Variants in ARHGAP24 observed in about 807,000 individuals in gnomAD.
ARHGAP24 encodes the protein rho GTPase-activating protein 24.
ARHGAP24 carries 50 observed loss-of-function variants against 76.4 expected under a neutral mutation model. The observed-to-expected ratio is 0.65, with a 90% CI of 0.52 to 0.83. ARHGAP24 has a LOEUF of 0.83. Ranked by LOEUF, ARHGAP24 falls within the 40% of genes least tolerant of loss-of-function variation. The pLI, the probability that ARHGAP24 is intolerant of heterozygous loss-of-function variation, is 0.00. For synonymous variants in ARHGAP24, 345 were observed against 323.3 expected (o/e 1.07, Z -0.72); for missense variants, 930 against 914.2 (o/e 1.02, Z -0.22).
intron 1 of ARHGAP24, among the ~76,000 whole-genome samples, chr4:85,566,695 C>A (rs1345894490): frequency 6.6e-6 from 1 of 152,158 alleles, no homozygotes; most frequent in Non-Finnish European, 1.5e-5. Flanking sequence ...CAAGGAAAGC[C>A]ATGTCCTTGA....
chr4:85,856,512 C>G (rs1731580322), intron 3 of ARHGAP24, among the ~76,000 whole-genome samples: 1 of 134,324 alleles, frequency 7.4e-6, no homozygotes, highest in African/African-American at 2.7e-5. Flanking sequence ...TTTCTATTGC[C>G]CAGACTGGAG....
At chr4:85,556,996 A>C (rs942627234) in intron 1 of ARHGAP24, among the ~76,000 whole-genome samples, 4 of 152,168 alleles carry the variant, frequency 2.6e-5, no homozygotes, top group African/African-American at 7.2e-5. Flanking sequence ...TCCATAAGGC[A>C]GCTCTGCCGG....
chr4:85,755,649 T>TTTTTTTTTG (rs1553927708), intron 3 of ARHGAP24, among the ~76,000 whole-genome samples: 3 of 143,092 alleles, frequency 2.1e-5, no homozygotes, highest in African/African-American at 2.5e-5. Flanking sequence ...TTGTTTTGTT[T>TTTTTTTTTG]TGAGACGGAG....
At chr4:85,571,685 T>C (rs567895936) in intron 2 of ARHGAP24, among the ~76,000 whole-genome samples, 6 of 152,348 alleles carry the variant, frequency 3.9e-5, no homozygotes, top group Admixed American at 1.3e-4. Context: ...TAAAAATACA[T>C]GCTACAAACC....
intron 2 of ARHGAP24, among the ~76,000 whole-genome samples, chr4:85,687,223 T>C (rs780089452): frequency 4.6e-5 from 7 of 152,092 alleles, no homozygotes; most frequent in Non-Finnish European, 1.0e-4. Flanking sequence ...TGGTACTTGG[T>C]TTATTTATCT....
intron 3 of ARHGAP24, among the ~76,000 whole-genome samples, chr4:85,777,132 TA>T (rs561174352): frequency 1.8e-4 from 27 of 152,322 alleles, no homozygotes; most frequent in African/African-American, 6.5e-4. Flanking sequence ...CTCAGTTGCT[TA>T]TTTGTCAGCA....
intron 2 of ARHGAP24, among the ~76,000 whole-genome samples, chr4:85,665,118 A>C (rs1264562938): frequency 6.6e-6 from 1 of 152,106 alleles, no homozygotes; most frequent in African/African-American, 2.4e-5. Context: ...GTGGGGTGTT[A>C]AAGTCTCCCA....
At chr4:85,976,779 CTTTTTTT>C (rs200270054) in intron 7 of ARHGAP24, among the ~76,000 whole-genome samples, 1 of 130,446 alleles carries the variant, frequency 7.7e-6, no homozygotes, top group Non-Finnish European at 1.6e-5. Flanking sequence ...TTTTATTTCT[CTTTTTTT>C]TTTTTTTTTT....
intron 3 of ARHGAP24, among the ~76,000 whole-genome samples, chr4:85,871,706 G>GTAGC (rs1435303781): frequency 6.6e-6 from 1 of 152,164 alleles, no homozygotes; most frequent in Non-Finnish European, 1.5e-5. Flanking sequence ...GCACATTGAT[G>GTAGC]TAGCAGAACC....
intron 5 of ARHGAP24, among the ~76,000 whole-genome samples, chr4:85,959,195 C>T (rs1027714614): frequency 3.9e-5 from 6 of 152,160 alleles, no homozygotes; most frequent in African/African-American, 7.2e-5. Flanking sequence ...CCTTTTTAGA[C>T]CATATAGGGT....
chr4:85,564,938 A>ATG (rs1257608138), intron 1 of ARHGAP24, among the ~76,000 whole-genome samples: 4 of 96,486 alleles, frequency 4.1e-5, no homozygotes, highest in African/African-American at 2.2e-4. Flanking sequence ...ATATATATAT[A>ATG]TATATATATA....
In ARHGAP24 at chr4:85,566,001, G is replaced by A. The variant is rs1027596051; in HGVS notation, c.-20-4521G>A. 3.3e-5 allele frequency among the ~76,000 whole-genome samples: 5 copies of A among 152,242 alleles called. No homozygotes were observed. The East Asian group carries it at 9.6e-4, about 29-fold the overall frequency. On this transcript the variant is annotated intron_variant, in intron 1 of 9. Transcript: ENST00000395184. ...GTTGTTGAAACCAGTTTCCTCCTCT[G>A]GAAAACAATTCAAAAGCTACAAGCC...
intron 2 of ARHGAP24, among the ~76,000 whole-genome samples, chr4:85,655,720 C>T (rs1420869581): frequency 1.4e-5 from 2 of 145,594 alleles, no homozygotes; most frequent in East Asian, 2.1e-4. Context: ...TGCAGTGAGC[C>T]GAGTTTGCAC....
At chr4:85,788,447 G>A (rs954201421) in intron 3 of ARHGAP24, among the ~76,000 whole-genome samples, 1 of 152,134 alleles carries the variant, frequency 6.6e-6, no homozygotes, top group African/African-American at 2.4e-5. Flanking sequence ...TATCGAAAGT[G>A]TAAAGTATAC....
chr4:85,856,633 G>C (rs1051189263), intron 3 of ARHGAP24, among the ~76,000 whole-genome samples: 1 of 151,722 alleles, frequency 6.6e-6, no homozygotes, highest in Non-Finnish European at 1.5e-5. Flanking sequence ...ACCACATCCC[G>C]CTAATTTTTG....
intron 1 of ARHGAP24, among the ~76,000 whole-genome samples, chr4:85,545,563 C>G (rs6531828): frequency 0.12 from 17,921 of 152,208 alleles, 2,973 homozygotes; most frequent in African/African-American, 0.37. Context: ...GCAAAGGATG[C>G]GCAAGAGACA....
At chr4:85,968,662 A>G (rs887392020) in intron 5 of ARHGAP24, among the ~76,000 whole-genome samples, 5 of 152,142 alleles carry the variant, frequency 3.3e-5, no homozygotes, top group African/African-American at 1.2e-4. Flanking sequence ...CATGTGACTG[A>G]GAACCTCTTG....
intron 1 of ARHGAP24, among the ~76,000 whole-genome samples, chr4:85,522,949 G>A (rs1246404810): frequency 6.6e-6 from 1 of 151,764 alleles, no homozygotes; most frequent in Non-Finnish European, 1.5e-5. Context: ...ATTCCTTTTT[G>A]TCTGATGTGT....
intron 2 of ARHGAP24, among the ~76,000 whole-genome samples, chr4:85,608,548 GTTGTT>G (rs1304815171): frequency 2.3e-5 from 2 of 85,792 alleles, no homozygotes; most frequent in African/African-American, 4.5e-5. Context: ...TTTTTGTTTG[GTTGTT>G]TTTTTTTTTT....
Sources: gnomAD v4.1 joint callset for allele counts (sites outside exome capture counted in the v4.1 genomes callset) on GRCh38, gnomAD v4.1.1 for gene constraint, MANE v1.5 for transcripts, NCBI Gene and HGNC (gene_info 2026-07-23, HGNC 2026-07-21) for gene names.